The following LNPEP variants were observed in gnomAD, a reference collection of about 807,000 sequenced individuals.
The protein encoded by LNPEP is leucyl-cystinyl aminopeptidase.
A neutral mutation model predicts 120.6 loss-of-function variants in LNPEP; 64 were observed. That is an observed-to-expected ratio of 0.53 (90% CI 0.43 to 0.65). The LOEUF (loss-of-function observed/expected upper bound fraction) is 0.65. Among genes scored for constraint, LNPEP ranks in the 30% least tolerant of loss-of-function variants. The pLI is 0.00. For missense variants in LNPEP, 1,057 were observed against 1,200.0 expected, an observed-to-expected ratio of 0.88 and a Z score of 1.76; for synonymous variants, 435 against 425.4, an observed-to-expected ratio of 1.02 and a Z score of -0.28.
At chr5:97,010,275 T>G in intron 11 of LNPEP, 1 of 969,624 alleles carries the variant, frequency 1.0e-6, no homozygotes, top group South Asian at 4.8e-5. Context: ...TTAAATCTAA[T>G]GCAAAACATT....
At chr5:97,006,312 G>A in intron 10 of LNPEP, 79 bp downstream of exon 10, 1 of 1,366,750 alleles carries the variant, frequency 7.3e-7, no homozygotes, top group African/African-American at 1.5e-5. Context: ...ATAATCATAA[G>A]TTCTTGTGAA....
chr5:96,956,142 T>G (rs1418476052), intron 1 of LNPEP, among the ~76,000 whole-genome samples: 1 of 152,230 alleles, frequency 6.6e-6, no homozygotes. Context: ...GGATTATTTG[T>G]CATCTTAGTG....
chr5:97,027,337 G>T, intron 16 of LNPEP, among the ~76,000 whole-genome samples: 1 of 151,536 alleles, frequency 6.6e-6, no homozygotes. Context: ...TAGGCAACAG[G>T]GCGAGACTCC....
At chr5:97,008,918 C>T (rs1221619868) in intron 11 of LNPEP, among the ~76,000 whole-genome samples, 1 of 152,048 alleles carries the variant, frequency 6.6e-6, no homozygotes, top group Non-Finnish European at 1.5e-5. Flanking sequence ...TCCCAAAGTG[C>T]TGGGATTACA....
chr5:97,007,181 T>C (rs902404678), intron 11 of LNPEP, among the ~76,000 whole-genome samples: 1 of 152,220 alleles, frequency 6.6e-6, no homozygotes, highest in Non-Finnish European at 1.5e-5. Flanking sequence ...TTGGGTTCTG[T>C]AGGACCCGTT....
intron 13 of LNPEP, among the ~76,000 whole-genome samples, chr5:97,016,657 C>A (rs997584271): frequency 6.6e-6 from 1 of 151,998 alleles, no homozygotes; most frequent in Middle Eastern, 3.2e-3. Flanking sequence ...GCTTGCAGAC[C>A]ATATATTTAA....
intron 1 of LNPEP, among the ~76,000 whole-genome samples, chr5:96,975,900 C>G (rs2112601262): frequency 6.6e-6 from 1 of 152,210 alleles, no homozygotes; most frequent in East Asian, 1.9e-4. Context: ...CTTCAGTTCT[C>G]TTAGATTATA....
intron 1 of LNPEP, among the ~76,000 whole-genome samples, chr5:96,940,599 T>C (rs760759754): frequency 1.3e-5 from 2 of 152,246 alleles, no homozygotes; most frequent in Non-Finnish European, 2.9e-5. Context: ...GTATTCTAAT[T>C]ATGAAATAAA....
chr5:97,006,634 C>G (rs1790794510), intron 11 of LNPEP, 119 bp downstream of exon 11: 1 of 654,062 alleles, frequency 1.5e-6, no homozygotes, highest in Non-Finnish European at 2.7e-6. Context: ...TTATGAGTTG[C>G]ATATGCAAGA....
intron 8 of LNPEP, among the ~76,000 whole-genome samples, chr5:97,000,429 T>A (rs1790621703): frequency 7.6e-6 from 1 of 131,942 alleles, no homozygotes; most frequent in Non-Finnish European, 1.6e-5. Context: ...GGAACTTGGG[T>A]TTTGGGAAAT....
At position 96,978,699 on chromosome 5, in the gene LNPEP, C is replaced by G. The variant is rs546656041; in HGVS notation, c.20-439C>G. ...ATTCTGGGATTGCAGTGCCCAAACCCTAGAAGGGGAACCGTGGACTGTAGG... is the reference window on the plus strand; with the variant it reads ...ATTCTGGGATTGCAGTGCCCAAACCGTAGAAGGGGAACCGTGGACTGTAGG... On this transcript the variant is annotated intron_variant, in intron 1 of 17. Coordinates refer to ENST00000231368, the MANE Select transcript of LNPEP (RefSeq NM_005575.3). 3.9e-5 allele frequency among the ~76,000 whole-genome samples: 6 copies of G among 152,172 alleles called. No individual in the cohort carries two copies. In the South Asian group the frequency reaches 1.0e-3, roughly 26 times the overall value.
chr5:96,969,253 C>T lies in LNPEP; in HGVS notation c.20-9885C>T, dbSNP rs187970284. Among the ~76,000 whole-genome samples the T allele has an allele frequency of 5.4e-3, 761 of 142,110 alleles. 6 individuals are homozygous for T. Among genetic ancestry groups the T allele is most frequent in the African/African-American group, 0.019 (727 of 39,132 alleles). 93.2% of individuals were successfully genotyped at this position (142,110 alleles called of 152,430 possible). A position where few individuals can be genotyped will look rare whatever the true frequency, so the allele number is the denominator to read the frequency against. On this transcript the variant is annotated intron_variant, in intron 1 of 17. Transcript: ENST00000231368. ...GTAGTTTTTTGCTTAAGAATGCTTG[C>T]TTTTTTTTTTTTTAACTTTTGATGA...
intron 11 of LNPEP, chr5:97,011,065 CA>C: frequency 3.0e-6 from 3 of 985,430 alleles, no homozygotes; most frequent in Non-Finnish European, 3.6e-6. Flanking sequence ...AGGTTTACAA[CA>C]TGGCAAGCTG....
intron 2 of LNPEP, among the ~76,000 whole-genome samples, chr5:96,983,074 GGATGTATGAGATGTAAGGACATTGA>G (rs1196707210): frequency 1.3e-5 from 2 of 152,258 alleles, no homozygotes; most frequent in African/African-American, 4.8e-5. Context: ...AAGGACGTTG[GGATGTATGAGATGTAAGGACATTGA>G]GATGTATGAG....
At chr5:97,008,660 C>CTTT (rs1158708951) in intron 11 of LNPEP, among the ~76,000 whole-genome samples, 1 of 69,732 alleles carries the variant, frequency 1.4e-5, no homozygotes, top group African/African-American at 5.0e-5. Context: ...CTCCTCTTTA[C>CTTT]TCTTTTTTTT....
chr5:97,020,415 A>G (rs141789539), intron 13 of LNPEP, among the ~76,000 whole-genome samples: 1 of 152,324 alleles, frequency 6.6e-6, no homozygotes, highest in Non-Finnish European at 1.5e-5. Context: ...ACCAGCAGGA[A>G]GAAATCTTCC....
chr5:97,027,063 C>T (rs998983877), intron 16 of LNPEP, among the ~76,000 whole-genome samples: 1 of 152,110 alleles, frequency 6.6e-6, no homozygotes, highest in Admixed American at 6.5e-5. Context: ...TTGAAAAATA[C>T]CTCTGTATGG....
At chr5:96,993,188 T>C in intron 5 of LNPEP, 53 bp downstream of exon 5, 1 of 1,332,152 alleles carries the variant, frequency 7.5e-7, no homozygotes, top group Non-Finnish European at 1.0e-6. Flanking sequence ...CCTAGATTTA[T>C]TTTGTGAATT....
intron 1 of LNPEP, among the ~76,000 whole-genome samples, chr5:96,944,106 T>C (rs1437463401): frequency 1.3e-5 from 2 of 152,186 alleles, no homozygotes; most frequent in Admixed American, 6.5e-5. Flanking sequence ...GACAACTGAC[T>C]CAGGTGTCAT....
Sources: gnomAD v4.1 joint callset for allele counts (sites outside exome capture counted in the v4.1 genomes callset) on GRCh38, gnomAD v4.1.1 for gene constraint, MANE v1.5 for transcripts, NCBI Gene and HGNC (gene_info 2026-07-23, HGNC 2026-07-21) for gene names.